Variants in CNTNAP5 observed in about 807,000 individuals in gnomAD.
CNTNAP5 encodes contactin-associated protein-like 5.
A neutral mutation model predicts 150.2 loss-of-function variants in CNTNAP5; 72 were observed. The ratio of observed to expected loss-of-function variants is 0.48; its 90% CI spans 0.40 to 0.58. The LOEUF is 0.58. Ranked by LOEUF, CNTNAP5 falls within the 20% of genes least tolerant of loss-of-function variation. CNTNAP5 has a pLI of 0.00. For synonymous variants in CNTNAP5, 672 were observed against 619.8 expected (o/e 1.08, Z -1.25); for missense variants, 1,636 against 1,626.2 (o/e 1.01, Z -0.10).
intron 3 of CNTNAP5, among the ~76,000 whole-genome samples, chr2:124,325,917 G>C (rs1462037086): frequency 6.6e-6 from 1 of 152,208 alleles, no homozygotes; most frequent in Non-Finnish European, 1.5e-5. Flanking sequence ...TAAAATGAGT[G>C]AGATGGCTCA....
Position 124,764,056 on chromosome 2 carries a change from C to G in CNTNAP5, c.2442C>G (p.Ala814=). ...HFPTFHAEFS[A]DISFFFKTTA... ...CTACCTTCCATGCGGAATTCAGTGCCGATATTTCCTTCTTTTTTAAAACCA... is the reference window on the plus strand; with the variant it reads ...CTACCTTCCATGCGGAATTCAGTGCGGATATTTCCTTCTTTTTTAAAACCA... The change falls in exon 16 of 24, where the codon GCC becomes GCG. Residue 814 remains alanine (A), a synonymous_variant. Coordinates refer to ENST00000682447, the MANE Select transcript of CNTNAP5 (RefSeq NM_001367498.1). The G allele has an allele frequency of 1.9e-6, 3 of 1,613,034 alleles. No individual in the cohort carries two copies. The highest frequency in any genetic ancestry group is 2.5e-6 in the Non-Finnish European group (3 of 1,179,252).
At chr2:124,046,507 C>T (rs187682688) in intron 1 of CNTNAP5, among the ~76,000 whole-genome samples, 2 of 150,448 alleles carry the variant, frequency 1.3e-5, no homozygotes, top group South Asian at 2.1e-4. Context: ...CACCTGACAA[C>T]AGCCGCCTCC....
At chr2:124,451,029 TAAAAAAAAAA>T (rs1156744323) in intron 6 of CNTNAP5, among the ~76,000 whole-genome samples, 4 of 20,060 alleles carry the variant, frequency 2.0e-4, no homozygotes, top group African/African-American at 6.0e-4. Context: ...CCATGTCTCT[TAAAAAAAAAA>T]AAAAAAAAAA....
intron 11 of CNTNAP5, among the ~76,000 whole-genome samples, chr2:124,599,906 G>A (rs1573487862): frequency 6.6e-6 from 1 of 151,976 alleles, no homozygotes; most frequent in East Asian, 1.9e-4. Flanking sequence ...GTCAGATTGA[G>A]GTTAATGTTG....
At chr2:124,265,808 T>C (rs1053542904) in intron 3 of CNTNAP5, among the ~76,000 whole-genome samples, 12 of 151,142 alleles carry the variant, frequency 7.9e-5, no homozygotes, top group Non-Finnish European at 1.5e-4. Flanking sequence ...TAATGGGCCT[T>C]CACGTTTCCA....
At chr2:124,306,412 CA>C (rs1688691714) in intron 3 of CNTNAP5, among the ~76,000 whole-genome samples, 1 of 152,128 alleles carries the variant, frequency 6.6e-6, no homozygotes, top group Non-Finnish European at 1.5e-5. Flanking sequence ...CTTTCCCCCC[CA>C]AATAAGTCTA....
chr2:124,494,874 A>C (rs1694111613), intron 7 of CNTNAP5, among the ~76,000 whole-genome samples: 1 of 152,226 alleles, frequency 6.6e-6, no homozygotes, highest in South Asian at 2.1e-4. Context: ...CCTTCAAATA[A>C]ATTCACATAC....
chr2:124,224,169 A>G (rs1288186045), intron 2 of CNTNAP5, among the ~76,000 whole-genome samples: 1 of 152,150 alleles, frequency 6.6e-6, no homozygotes, highest in Non-Finnish European at 1.5e-5. Context: ...CTTCCAGGTC[A>G]TTCTAAAATG....
intron 3 of CNTNAP5, among the ~76,000 whole-genome samples, chr2:124,415,856 C>G (rs1053157220): frequency 6.6e-6 from 1 of 152,010 alleles, no homozygotes; most frequent in African/African-American, 2.4e-5. Flanking sequence ...CGTATATTTA[C>G]TCCAATTAAA....
chr2:124,074,648 C>A (rs1002989195), intron 1 of CNTNAP5, among the ~76,000 whole-genome samples: 5 of 152,078 alleles, frequency 3.3e-5, no homozygotes, highest in African/African-American at 9.7e-5. Context: ...TGGGTATTGA[C>A]TCCTAGACAG....
At chr2:124,724,002 G>C (rs1680100665) in intron 13 of CNTNAP5, among the ~76,000 whole-genome samples, 1 of 151,934 alleles carries the variant, frequency 6.6e-6, no homozygotes, top group African/African-American at 2.4e-5. Flanking sequence ...AAAATTAGCT[G>C]AGTGTGATGG....
At chr2:124,822,817 T>C (rs146112344) in intron 19 of CNTNAP5, among the ~76,000 whole-genome samples, 1,593 of 152,218 alleles carry the variant, frequency 0.01, 30 homozygotes, top group African/African-American at 0.037. Context: ...TCTTGCTAGC[T>C]GAGAAAAATT....
chr2:124,049,511 CA>C (rs1313280202), intron 1 of CNTNAP5, among the ~76,000 whole-genome samples: 7 of 152,146 alleles, frequency 4.6e-5, no homozygotes. Flanking sequence ...ATAAAATTAT[CA>C]GGCCTACTTT....
intron 4 of CNTNAP5, among the ~76,000 whole-genome samples, chr2:124,431,883 G>A (rs1208835889): frequency 2.0e-5 from 3 of 152,048 alleles, no homozygotes; most frequent in Non-Finnish European, 2.9e-5. Flanking sequence ...CACCTGGTGA[G>A]TAGTAGAGCT....
intron 7 of CNTNAP5, 32 bp downstream of exon 7, chr2:124,474,914 T>A: frequency 6.4e-7 from 1 of 1,570,816 alleles, no homozygotes; most frequent in South Asian, 1.2e-5. Context: ...GTCTTGATGG[T>A]TTCTACCACT....
At chr2:124,594,496 A>G (rs1454055183) in intron 11 of CNTNAP5, among the ~76,000 whole-genome samples, 1 of 151,458 alleles carries the variant, frequency 6.6e-6, no homozygotes, top group Non-Finnish European at 1.5e-5. Flanking sequence ...ATTGATCTAT[A>G]TCTCTGTTTT....
chr2:124,092,613 A>G (rs1191348422), intron 1 of CNTNAP5, among the ~76,000 whole-genome samples: 3 of 152,198 alleles, frequency 2.0e-5, no homozygotes, highest in Admixed American at 2.0e-4. Context: ...AGTTTCCTCA[A>G]CATTTTTCTC....
chr2:124,167,925 G>T (rs1280321065), intron 1 of CNTNAP5, among the ~76,000 whole-genome samples: 1 of 152,164 alleles, frequency 6.6e-6, no homozygotes, highest in Non-Finnish European at 1.5e-5. Context: ...AGAAGGAAAT[G>T]TAGGGAGGAA....
chr2:124,612,254 A>G (rs1677400275), intron 12 of CNTNAP5, among the ~76,000 whole-genome samples: 1 of 152,218 alleles, frequency 6.6e-6, no homozygotes, highest in African/African-American at 2.4e-5. Context: ...ACATTTTAAA[A>G]TGAATGTTTA....
Sources: gnomAD v4.1 joint callset for allele counts (sites outside exome capture counted in the v4.1 genomes callset) on GRCh38, gnomAD v4.1.1 for gene constraint, MANE v1.5 for transcripts, NCBI Gene and HGNC (gene_info 2026-07-23, HGNC 2026-07-21) for gene names.